The following DZANK1 variants were observed in gnomAD, a reference collection of about 807,000 sequenced individuals.
DZANK1 encodes the protein double zinc ribbon and ankyrin repeat domains 1.
In DZANK1, 91 loss-of-function variants were observed where a neutral mutation model predicts 94.5. That is an observed-to-expected ratio of 0.96 (90% CI 0.81 to 1.15). DZANK1 has a LOEUF of 1.15. Ranked by LOEUF, DZANK1 falls within the 50% of genes most tolerant of loss-of-function variation. The pLI is 0.00. For missense variants in DZANK1, 903 were observed against 916.4 expected (o/e 0.99, Z 0.19); for synonymous variants, 312 against 325.3 (o/e 0.96, Z 0.44).
chr20:18,458,441 G>A (rs908519835), intron 3 of DZANK1, among the ~76,000 whole-genome samples: 5 of 152,132 alleles, frequency 3.3e-5, no homozygotes, highest in Admixed American at 2.6e-4. Context: ...GATAGGTAGT[G>A]GCTATTTAGA....
chr20:18,443,116 A>G (rs937476657), intron 8 of DZANK1, among the ~76,000 whole-genome samples: 5 of 152,232 alleles, frequency 3.3e-5, no homozygotes, highest in Non-Finnish European at 7.3e-5. Context: ...CATTAAAACA[A>G]TAAGATTCCA....
At chr20:18,434,374 A>G (rs1027403076) in intron 8 of DZANK1, among the ~76,000 whole-genome samples, 3 of 151,772 alleles carry the variant, frequency 2.0e-5, no homozygotes, top group African/African-American at 2.4e-5. Context: ...GTGAAACCCC[A>G]GCTCTACTAA....
intron 8 of DZANK1, among the ~76,000 whole-genome samples, chr20:18,435,604 G>A (rs1249559017): frequency 1.3e-5 from 2 of 152,018 alleles, no homozygotes; most frequent in South Asian, 2.1e-4. Flanking sequence ...GGGGGTGGGG[G>A]GCAAGAGGAG....
intron 5 of DZANK1, chr20:18,452,696 A>C: frequency 2.5e-6 from 4 of 1,605,390 alleles, no homozygotes; most frequent in Non-Finnish European, 3.4e-6. Context: ...AAAAGTGAAG[A>C]TCTTTCAAAG....
chr20:18,396,531 C>A (rs1471565741), exon 15 of DZANK1: 2 of 1,613,252 alleles, frequency 1.2e-6, no homozygotes, highest in African/African-American at 1.3e-5. Context: ...TCTTCGTGGA[C>A]AGTAGCAGAG....
At chr20:18,405,247 A>G (rs1378531275) in intron 13 of DZANK1, among the ~76,000 whole-genome samples, 1 of 152,204 alleles carries the variant, frequency 6.6e-6, no homozygotes, top group African/African-American at 2.4e-5. Flanking sequence ...AAATAAGAGA[A>G]TATAAATAAA....
intron 10 of DZANK1, among the ~76,000 whole-genome samples, chr20:18,422,601 C>T (rs780173104): frequency 7.9e-5 from 12 of 152,134 alleles, no homozygotes; most frequent in African/African-American, 1.9e-4. Context: ...ATTTGTATAA[C>T]GTGTATAAGA....
intron 13 of DZANK1, among the ~76,000 whole-genome samples, chr20:18,405,943 C>A (rs2056940771): frequency 6.6e-6 from 1 of 152,210 alleles, no homozygotes; most frequent in Admixed American, 6.5e-5. Context: ...CCTGTCACAG[C>A]TGAAAATAAA....
chr20:18,459,551 G>A (rs2059402895), intron 3 of DZANK1, among the ~76,000 whole-genome samples: 1 of 152,074 alleles, frequency 6.6e-6, no homozygotes, highest in South Asian at 2.1e-4. Context: ...AGAATTGCAA[G>A]GATTTGAGGT....
chr20:18,418,767 A>G (rs1343418849), intron 10 of DZANK1, among the ~76,000 whole-genome samples: 3 of 152,240 alleles, frequency 2.0e-5, no homozygotes, highest in African/African-American at 4.8e-5. Context: ...CACAATGAAT[A>G]AAAAGAGGAA....
At chr20:18,410,722 G>A in intron 13 of DZANK1, among the ~76,000 whole-genome samples, 1 of 152,304 alleles carries the variant, frequency 6.6e-6, no homozygotes, top group East Asian at 1.9e-4. Flanking sequence ...TAAGGTGGGA[G>A]GCTTCCTTGA....
At position 18,424,450 on chromosome 20, in the gene DZANK1, G is replaced by A. The variant is rs145795498; in HGVS notation, c.954+2617C>T. Among the ~76,000 whole-genome samples the A allele has an allele frequency of 3.2e-3, 465 of 147,290 alleles. 5 individuals are homozygous for A. The highest frequency in any genetic ancestry group is 0.02 in the Admixed American group (300 of 14,638). On this transcript the variant is annotated intron_variant, in intron 10 of 20. Transcript: ENST00000262547. The stretch of plus-strand genomic sequence containing the variant: ...AGCCTGGGCGACAGAGCAAGACTCC[G>A]TCTCAATAACAACAACAACAAAAAA...
intron 7 of DZANK1, among the ~76,000 whole-genome samples, chr20:18,445,996 C>T (rs1044893947): frequency 6.6e-6 from 1 of 150,912 alleles, no homozygotes; most frequent in Non-Finnish European, 1.5e-5. Flanking sequence ...AACTCCTGGC[C>T]TCAAGTGATC....
At chr20:18,407,873 C>T (rs577278095) in intron 13 of DZANK1, among the ~76,000 whole-genome samples, 8 of 152,244 alleles carry the variant, frequency 5.3e-5, no homozygotes, top group Non-Finnish European at 1.2e-4. Context: ...TTCAAAAATA[C>T]ACAGTCAGAG....
rs181497259 is a variant in DZANK1, at chr20:18,387,241, C to A, written c.2019-2151G>T. ...CTCCCCATATTGAGAGCAGAGGGTT[C>A]ATTCTATGTATTGCATGGGGGGTTT... On this transcript the variant is annotated intron_variant, in intron 19 of 20. Transcript: ENST00000262547. 1.5e-4 allele frequency among the ~76,000 whole-genome samples: 23 copies of A among 152,240 alleles called. No individual in the cohort carries two copies. The East Asian group carries it at 4.2e-3, about 28-fold the overall frequency.
intron 10 of DZANK1, chr20:18,421,031 G>T: frequency 5.7e-6 from 1 of 174,428 alleles, no homozygotes; most frequent in South Asian, 1.5e-4. Context: ...ATGGCTCTCT[G>T]GAGCCTGTCA....
intron 7 of DZANK1, among the ~76,000 whole-genome samples, chr20:18,444,951 C>T (rs887361499): frequency 1.3e-4 from 20 of 152,178 alleles, no homozygotes; most frequent in African/African-American, 3.9e-4. Flanking sequence ...CAGGTGCCTG[C>T]CACCAAGCCC....
chr20:18,400,017 T>C (rs1320160641), intron 13 of DZANK1, among the ~76,000 whole-genome samples: 2 of 152,242 alleles, frequency 1.3e-5, no homozygotes, highest in Non-Finnish European at 2.9e-5. Context: ...ATCCTAAATC[T>C]ACCATTTATT....
chr20:18,396,393 C>T (rs2056343076), intron 15 of DZANK1, 79 bp downstream of exon 15: 1 of 1,221,760 alleles, frequency 8.2e-7, no homozygotes, highest in South Asian at 1.3e-5. Flanking sequence ...CTATGGATTA[C>T]ACAGAAGCAT....
Sources: allele counts gnomAD v4.1 joint callset (sites outside exome capture counted in the v4.1 genomes callset), GRCh38; gene constraint gnomAD v4.1.1; transcripts MANE v1.5; gene names NCBI Gene and HGNC (gene_info 2026-07-23, HGNC 2026-07-21).